RRAS2: variants seen among roughly 807,000 people sequenced by gnomAD.
RRAS2 encodes the protein ras-related protein R-Ras2.
A neutral mutation model predicts 27.6 loss-of-function variants in RRAS2; 7 were observed. That is an observed-to-expected ratio of 0.25 (90% confidence interval 0.14 to 0.48). The LOEUF is 0.48. RRAS2 is among the 20% of genes least tolerant of loss of function. The probability of loss-of-function intolerance (pLI) is 0.99; values close to 1 mark genes in which losing one functional copy is unlikely to be tolerated. For missense variants in RRAS2, 178 were observed against 256.2 expected (o/e 0.69, Z 2.08); for synonymous variants, 86 against 90.9 (o/e 0.95, Z 0.31).
chr11:14,345,326 T>G (rs1848807319), intron 1 of RRAS2, among the ~76,000 whole-genome samples: 1 of 152,138 alleles, frequency 6.6e-6, no homozygotes, highest in African/African-American at 2.4e-5. Context: ...AACAAATATT[T>G]TGTTGTGCTT....
upstream of RRAS2, among the ~76,000 whole-genome samples, chr11:14,360,233 G>C (rs1554956067): frequency 6.7e-6 from 1 of 148,554 alleles, no homozygotes; most frequent in Non-Finnish European, 1.5e-5. Flanking sequence ...GCTCCCACCA[G>C]ATCACCAGCA....
intron 5 of RRAS2, 105 bp downstream of exon 5, chr11:14,281,497 T>G (rs1554944293): frequency 1.3e-6 from 1 of 776,116 alleles, no homozygotes. Context: ...TAATGCACCA[T>G]GTGCATTAAT....
intron 1 of RRAS2, among the ~76,000 whole-genome samples, chr11:14,297,369 G>A (rs571533842): frequency 1.5e-4 from 23 of 152,214 alleles, no homozygotes; most frequent in Non-Finnish European, 2.9e-4. Context: ...CACTCTTGAA[G>A]AGGACAGAAA....
intron 1 of RRAS2, among the ~76,000 whole-genome samples, chr11:14,298,492 G>A (rs572005352): frequency 1.3e-5 from 2 of 152,202 alleles, no homozygotes; most frequent in South Asian, 2.1e-4. Flanking sequence ...ACCTCTACTC[G>A]CTATGGACAT....
At chr11:14,361,218 C>T (rs573561760), upstream of RRAS2, among the ~76,000 whole-genome samples, 9 of 151,944 alleles carry the variant, frequency 5.9e-5, no homozygotes, top group Non-Finnish European at 1.2e-4. Context: ...ACGCTGGAAG[C>T]GGAAGTTACA....
In RRAS2 at chr11:14,318,497, T is replaced by C. The variant is rs527821938; in HGVS notation, c.109-22642A>G. On this transcript the variant is annotated intron_variant, in intron 1 of 5. Coordinates refer to ENST00000256196, the MANE Select transcript of RRAS2 (RefSeq NM_012250.6). The stretch of plus-strand genomic sequence containing the variant: ...CAGCCTGGGTGACAGAGAGAGAATC[T>C]GTCTCAAAACAAACAAACAAACAAA... 2.0e-5 allele frequency among the ~76,000 whole-genome samples: 3 copies of C among 151,970 alleles called. No homozygotes were observed. In the South Asian group the frequency reaches 6.2e-4, roughly 32 times the overall value.
Position 14,358,554 on chromosome 11 carries a change from C to T in RRAS2, c.108+209G>A. ...ACCACATTCCTGAGAAGCCCTACTCCCGCGACGCCGCGCCCGGGAGGAGGC... is the reference window on the plus strand; with the variant it reads ...ACCACATTCCTGAGAAGCCCTACTCTCGCGACGCCGCGCCCGGGAGGAGGC... On this transcript the variant is annotated intron_variant, in intron 1 of 5. Transcript: ENST00000256196. This position sits in a 1 kb window ranked among gnomAD's most constrained non-coding sequence, Gnocchi z 5.1. 1 of 986,496 alleles carries T rather than the reference C, an allele frequency of 1.0e-6. No individual in the cohort carries two copies. Among genetic ancestry groups the T allele is most frequent in the Non-Finnish European group, 1.2e-6 (1 of 830,840 alleles). The allele number at this position is 986,496 out of a possible 1,614,324, so 61.1% of individuals were successfully genotyped here.
rs547583809 is a variant in RRAS2, at chr11:14,320,133, A to G, written c.109-24278T>C. 1.1e-3 allele frequency among the ~76,000 whole-genome samples: 169 copies of G among 151,906 alleles called. 3 individuals carry two copies. The highest frequency in any genetic ancestry group is 6.2e-4 in the South Asian group (3 of 4,814). ...CACCGCACCCCACAAAAAAAGCCAC[A>G]TTCATTTGAGGTCACTTTACCTCCT... On this transcript the variant is annotated intron_variant, in intron 1 of 5. Transcript: ENST00000256196.
rs957695595 is a variant in RRAS2 at position 14,358,366 on chromosome 11, C to A, written c.108+397G>T. 5 of 985,338 alleles carry A rather than the reference C, an allele frequency of 5.1e-6. No homozygotes were observed. Among genetic ancestry groups the A allele is most frequent in the Non-Finnish European group, 6.0e-6 (5 of 829,950 alleles). 61.0% of individuals were successfully genotyped at this position (985,338 alleles called of 1,614,324 possible). Reference sequence around the variant, plus strand: ...CCGACGGTGAAGGCGCGGCCGCAGGCGGCTGGAAAAGCAGCGCGCGGGGCT... The same window carrying A: ...CCGACGGTGAAGGCGCGGCCGCAGGAGGCTGGAAAAGCAGCGCGCGGGGCT... On this transcript the variant is annotated intron_variant, in intron 1 of 5. Transcript: ENST00000256196. The surrounding 1 kb of genome is among the most constrained non-coding windows in gnomAD (Gnocchi z 5.1).
In RRAS2 at chr11:14,281,602, C is replaced by G. The variant is rs782754561; in HGVS notation, c.527G>C (p.Arg176Thr). ...CACATCTAGAATGTGTTTTGCTTAC[C>G]TGATAACCCGGACAAGTTCATGGAA... ...QAFHELVRVI[R>T]KFQEQECPPS... The change falls in exon 5 of 6, where the codon AGG (arginine) becomes ACG (threonine). Residue 176 changes from arginine to threonine, a missense_variant and splice_region_variant. Coordinates refer to ENST00000256196, the MANE Select transcript of RRAS2 (RefSeq NM_012250.6). The G allele has an allele frequency of 1.9e-6, 3 of 1,594,450 alleles. No individual in the cohort carries two copies.
At chr11:14,331,262 G>A (rs1848474559) in intron 1 of RRAS2, among the ~76,000 whole-genome samples, 1 of 151,836 alleles carries the variant, frequency 6.6e-6, no homozygotes, top group African/African-American at 2.4e-5. Context: ...AAGAAACTGG[G>A]GTAAAATGAT....
intron 1 of RRAS2, among the ~76,000 whole-genome samples, chr11:14,349,029 G>A (rs1165609684): frequency 5.3e-5 from 8 of 152,124 alleles, no homozygotes; most frequent in South Asian, 4.1e-4. Flanking sequence ...GCAGTGGCGC[G>A]ATCTCGGCTC....
At chr11:14,295,688 A>C in intron 2 of RRAS2, 80 bp downstream of exon 2, 2 of 1,095,232 alleles carry the variant, frequency 1.8e-6, no homozygotes, top group Non-Finnish European at 2.6e-6. Context: ...CAAATATATT[A>C]TTTAACATAG....
rs782151181 is a variant in RRAS2 at position 14,358,858 on chromosome 11, C to G, written c.13G>C (p.Gly5Arg). Residue 5 changes from glycine to arginine, a missense_variant, in exon 1 of 6, where the codon GGC (glycine) becomes CGC (arginine). Transcript: ENST00000256196. This position sits in a 1 kb window ranked among gnomAD's most constrained non-coding sequence, Gnocchi z 5.1. ...TCCTGGCCGGAGCCGTCCCGCCAGC[C>G]GGCCGCGGCCATGGGGACGCTACAG... MAAA[G>R]WRDGSGQEKY... 1 of 1,469,952 alleles carries G rather than the reference C, an allele frequency of 6.8e-7. No homozygotes were observed. The highest frequency in any genetic ancestry group is 3.0e-5 in the East Asian group (1 of 33,298). 91.1% of individuals were successfully genotyped at this position (1,469,952 alleles called of 1,614,324 possible). A position where few individuals can be genotyped will look rare whatever the true frequency, so the allele number is the denominator to read the frequency against.
intron 4 of RRAS2, among the ~76,000 whole-genome samples, chr11:14,287,688 A>C (rs1849701039): frequency 1.3e-5 from 2 of 152,018 alleles, no homozygotes; most frequent in South Asian, 4.1e-4. Flanking sequence ...CCTGGCCAAC[A>C]TGGTGAAACC....
chr11:14,350,468 A>G (rs1848925941), intron 1 of RRAS2, among the ~76,000 whole-genome samples: 1 of 152,030 alleles, frequency 6.6e-6, no homozygotes, highest in South Asian at 2.1e-4. Context: ...ATCTTCTGTC[A>G]TGAATGGAAG....
intron 1 of RRAS2, among the ~76,000 whole-genome samples, chr11:14,344,128 G>A (rs1396761796): frequency 6.6e-6 from 1 of 152,090 alleles, no homozygotes; most frequent in Non-Finnish European, 1.5e-5. Flanking sequence ...GGGAGACCCT[G>A]TCTCAAACAA....
intron 1 of RRAS2, among the ~76,000 whole-genome samples, chr11:14,306,868 C>T (rs1156586157): frequency 6.8e-6 from 1 of 146,282 alleles, no homozygotes; most frequent in Non-Finnish European, 1.5e-5. Flanking sequence ...ATTGTAAGAC[C>T]ATCATTATTT....
intron 4 of RRAS2, among the ~76,000 whole-genome samples, chr11:14,288,935 T>G (rs1304011514): frequency 2.6e-5 from 4 of 152,222 alleles, no homozygotes; most frequent in Non-Finnish European, 4.4e-5. Flanking sequence ...GCACCCAGAT[T>G]CATCCACCCA....
Sources: allele counts gnomAD v4.1 joint callset (sites outside exome capture counted in the v4.1 genomes callset), GRCh38; gene constraint gnomAD v4.1.1; non-coding constraint Gnocchi (gnomAD v3.1); transcripts MANE v1.5; gene names NCBI Gene and HGNC (gene_info 2026-07-23, HGNC 2026-07-21).